Variants in MED14 observed in about 807,000 individuals in gnomAD.
The protein encoded by MED14 is mediator of RNA polymerase II transcription subunit 14.
A neutral mutation model predicts 109.0 loss-of-function variants in MED14; 8 were observed. The observed-to-expected ratio is 0.07, with a 90% confidence interval of 0.04 to 0.13. MED14 has a LOEUF of 0.13. MED14 is among the 10% of genes least tolerant of loss of function. The pLI, the probability that MED14 is intolerant of heterozygous loss-of-function variation, is 1.00. For missense variants in MED14, 711 were observed against 1,142.4 expected (o/e 0.62, Z 5.44); for synonymous variants, 399 against 408.7 (o/e 0.98, Z 0.29).
chrX:40,696,144 T>C (rs1344383647), intron 13 of MED14, among the ~76,000 whole-genome samples: 1 of 104,880 alleles, frequency 9.5e-6, no homozygotes, highest in African/African-American at 3.5e-5. Flanking sequence ...TTTTTTTTTT[T>C]TTTTTTTTGA....
chrX:40,712,356 C>T, intron 6 of MED14, 63 bp from the exon 7 acceptor site: 9 of 730,300 alleles, frequency 1.2e-5, no homozygotes, highest in Non-Finnish European at 1.8e-5. Flanking sequence ...GTCACTATAC[C>T]AACTAAGGAA....
chrX:40,688,426 C>A (rs1199040975), intron 16 of MED14, 28 bp downstream of exon 16: 3 of 1,112,667 alleles, frequency 2.7e-6, no homozygotes, highest in Non-Finnish European at 2.5e-6. Flanking sequence ...ACATGTGGCA[C>A]CAAGTGAAAC....
rs909819404 is a variant in MED14 at position 40,677,786 on chromosome X, A to C, written c.2880+2078T>G. Among the ~76,000 whole-genome samples the C allele has an allele frequency of 4.5e-5, 5 of 111,831 alleles. No individual in the cohort carries two copies. The Admixed American group carries it at 4.7e-4, about 11-fold the overall frequency. ...GAAAACAATGGAGATGAACCAAGAA[A>C]TAGTGCAAGGAAATTTCCCAAAGCA... On this transcript the variant is annotated intron_variant, in intron 21 of 30. Transcript: ENST00000324817.
In MED14 at chrX:40,654,408, C is replaced by A. The variant is rs755290512; in HGVS notation, c.4247G>T (p.Ser1416Ile). 10 of 1,210,068 alleles carry A rather than the reference C, an allele frequency of 8.3e-6. No homozygotes were observed. Among genetic ancestry groups the A allele is most frequent in the Non-Finnish European group, 1.1e-5 (10 of 895,280 alleles). ...NSSVAAPMMV[S>I]NILKRFAEMN... is the part of the protein sequence containing the mutation. ...CTCTGCAAACCTCTTCAGAATGTTGCTGACCATCATGGGAGCAGCAACAGA... is the reference window on the plus strand; with the variant it reads ...CTCTGCAAACCTCTTCAGAATGTTGATGACCATCATGGGAGCAGCAACAGA... The change falls in exon 30 of 31, where the codon AGC becomes ATC. Residue 1416 changes from serine to isoleucine, a missense_variant. Ser to Ile is a moderately radical substitution (Grantham distance 142, BLOSUM62 -2). Transcript: ENST00000324817.
rs1203670364 is a variant in MED14, at chrX:40,729,386, C to T, written c.216-41G>A. ...AAAAACGGATTAGATACATGCATAC[C>T]TTCATTCTAATGTGATAATAGTCTT... On this transcript the variant is annotated intron_variant, in intron 1 of 30. Coordinates refer to ENST00000324817, the MANE Select transcript of MED14 (RefSeq NM_004229.4). 7 of 1,122,626 alleles carry T rather than the reference C, an allele frequency of 6.2e-6. No individual in the cohort carries two copies. In the Admixed American group the frequency reaches 1.7e-4, roughly 28 times the overall value. 92.5% of individuals were successfully genotyped at this position (1,122,626 alleles called of 1,213,427 possible). A position where few individuals can be genotyped will look rare whatever the true frequency, so the allele number is the denominator to read the frequency against.
Position 40,655,058 on chromosome X carries a change from G to A in MED14, c.3975C>T (p.Phe1325=). 2.5e-6 allele frequency: 3 copies of A among 1,204,451 alleles called. No homozygotes were observed. Among genetic ancestry groups the A allele is most frequent in the Non-Finnish European group, 3.4e-6 (3 of 889,845 alleles). Residue 1325 remains phenylalanine, a splice_region_variant and synonymous_variant, in exon 29 of 31, where the codon TTC becomes TTT. Coordinates refer to ENST00000324817, the MANE Select transcript of MED14 (RefSeq NM_004229.4). ...ATTTTAGCTGTGTTGCTTGGTCAGG[G>A]AACTATTTTGAGGGGGAAAAATCAA... ...DCVHIMKLEL[F]PDQATQLKWN... is the part of the protein sequence containing the mutation.
At chrX:40,690,421 TTTTG>T (rs750599998) in intron 15 of MED14, among the ~76,000 whole-genome samples, 28 of 111,222 alleles carry the variant, frequency 2.5e-4, no homozygotes, top group African/African-American at 3.3e-4. Flanking sequence ...TGCCTGGTTT[TTTTG>T]TTTGTTTGTT....
intron 3 of MED14, among the ~76,000 whole-genome samples, chrX:40,718,840 T>C (rs1453843373): frequency 2.7e-5 from 3 of 110,967 alleles, no homozygotes; most frequent in African/African-American, 9.9e-5. Flanking sequence ...CTTCATGTCT[T>C]AAAATAAATA....
At chrX:40,726,000 A>G (rs772468071) in intron 3 of MED14, among the ~76,000 whole-genome samples, 20 of 112,579 alleles carry the variant, frequency 1.8e-4, no homozygotes, top group Non-Finnish European at 3.8e-4. Context: ...CAAAATCAAC[A>G]TACAAAACAT....
intron 13 of MED14, among the ~76,000 whole-genome samples, chrX:40,694,944 T>C (rs1378791368): frequency 8.9e-6 from 1 of 111,924 alleles, no homozygotes. Flanking sequence ...TACCCCAAAC[T>C]GGAAACAACC....
chrX:40,651,128 C>T lies in MED14; in HGVS notation c.*678G>A, dbSNP rs1260634603. The T allele has an allele frequency of 1.3e-6, 1 of 747,829 alleles. No individual in the cohort carries two copies. The highest frequency in any genetic ancestry group is 8.8e-5 in the Admixed American group (1 of 11,341). The allele number at this position is 747,829 out of a possible 1,213,427, so 61.6% of individuals were successfully genotyped here. The stretch of plus-strand genomic sequence containing the variant: ...GAATGTCTGAAGAAAATATATTAAC[C>T]TTGACATAAAGAAGATGTTTTTGGT... On this transcript the variant is annotated 3_prime_UTR_variant, in exon 31 of 31. Coordinates refer to ENST00000324817, the MANE Select transcript of MED14 (RefSeq NM_004229.4).
chrX:40,668,681 T>C (rs1045835607), intron 23 of MED14, among the ~76,000 whole-genome samples: 2 of 112,130 alleles, frequency 1.8e-5, no homozygotes, highest in Non-Finnish European at 3.8e-5. Context: ...CCCCAGTGGA[T>C]GCCTGAAACC....
In MED14 at chrX:40,710,631, A is replaced by T. The variant is rs185379722; in HGVS notation, c.1023-502T>A. ...AAAATGATACCCAACAATCTAACCT[A>T]ATGGTCTTTTCTAACCTAACGGTCT... On this transcript the variant is annotated intron_variant, in intron 8 of 30. Coordinates refer to ENST00000324817, the MANE Select transcript of MED14 (RefSeq NM_004229.4). Among the ~76,000 whole-genome samples, 16 of 112,321 alleles carry T rather than the reference A, an allele frequency of 1.4e-4. No individual in the cohort carries two copies. The East Asian group carries it at 4.4e-3, about 31-fold the overall frequency.
chrX:40,715,503 T>C (rs955522015), intron 3 of MED14, among the ~76,000 whole-genome samples: 2 of 110,900 alleles, frequency 1.8e-5, no homozygotes, highest in African/African-American at 3.3e-5. Flanking sequence ...GACATTGGCC[T>C]GGGCTGGGTG....
rs749601846 is a variant in MED14, at chrX:40,658,829, C to T, written c.3972+398G>A. The stretch of plus-strand genomic sequence containing the variant: ...AGTGAACTGAGATCTCATCACTGCA[C>T]TCCAGCCTGGGTATCGGAGTGAGAC... On this transcript the variant is annotated intron_variant, in intron 28 of 30. Coordinates refer to ENST00000324817, the MANE Select transcript of MED14 (RefSeq NM_004229.4). Among the ~76,000 whole-genome samples the T allele has an allele frequency of 3.3e-3, 370 of 110,988 alleles. 1 individual carries two copies. Among genetic ancestry groups the T allele is most frequent in the African/African-American group, 0.012 (351 of 30,502 alleles).
chrX:40,731,351 GAAGT>G (rs989811707), intron 1 of MED14, among the ~76,000 whole-genome samples: 9 of 110,868 alleles, frequency 8.1e-5, no homozygotes, highest in Non-Finnish European at 1.5e-4. Flanking sequence ...ACATATTACT[GAAGT>G]AACTGTTTCC....
At chrX:40,696,777 A>C (rs1053535550) in intron 13 of MED14, among the ~76,000 whole-genome samples, 1 of 111,729 alleles carries the variant, frequency 9.0e-6, no homozygotes, top group African/African-American at 3.3e-5. Flanking sequence ...TCTTACAGAG[A>C]TGTCTCATTC....
rs745669479 is a variant in MED14 at position 40,713,702 on chromosome X, C to G, written c.652+76G>C. 5 of 1,104,368 alleles carry G rather than the reference C, an allele frequency of 4.5e-6. No homozygotes were observed. The African/African-American group carries it at 9.2e-5, about 20-fold the overall frequency. The allele number at this position is 1,104,368 out of a possible 1,213,427, so 91.0% of individuals were successfully genotyped here. On this transcript the variant is annotated intron_variant, in intron 5 of 30. Transcript: ENST00000324817. Reference sequence around the variant, plus strand: ...AAGTGATCTGCCTGCCTCAGTCTCCCAAAGTGCTGAGATTACAGGCATGAG... The same window carrying G: ...AAGTGATCTGCCTGCCTCAGTCTCCGAAAGTGCTGAGATTACAGGCATGAG...
At chrX:40,687,903 A>T (rs1258049218) in intron 16 of MED14, among the ~76,000 whole-genome samples, 1 of 112,265 alleles carries the variant, frequency 8.9e-6, no homozygotes, top group East Asian at 2.8e-4. Context: ...AAAGAAATGC[A>T]GAGAAAAGAC....
Sources: gnomAD v4.1 joint callset for allele counts (sites outside exome capture counted in the v4.1 genomes callset) on GRCh38, gnomAD v4.1.1 for gene constraint, MANE v1.5 for transcripts, NCBI Gene and HGNC (gene_info 2026-07-23, HGNC 2026-07-21) for gene names.